The following UBE2G2 variants were observed in gnomAD, a reference collection of about 807,000 sequenced individuals.
The protein encoded by UBE2G2 is ubiquitin conjugating enzyme E2 G2.
In UBE2G2, 10 loss-of-function variants were observed where a neutral mutation model predicts 23.0. The observed-to-expected ratio is 0.43, with a 90% CI of 0.27 to 0.74. UBE2G2 has a LOEUF of 0.74. Ranked by LOEUF, UBE2G2 falls within the 30% of genes least tolerant of loss-of-function variation. The probability of loss-of-function intolerance (pLI) is 0.19; values close to 1 mark genes in which losing one functional copy is unlikely to be tolerated. For missense variants in UBE2G2, 150 were observed against 218.3 expected, an observed-to-expected ratio of 0.69 and a Z score of 1.97; for synonymous variants, 86 against 81.3, an observed-to-expected ratio of 1.06 and a Z score of -0.31.
At chr21:44,778,122 G>A (rs1312682317) in intron 3 of UBE2G2, among the ~76,000 whole-genome samples, 24 of 152,306 alleles carry the variant, frequency 1.6e-4, no homozygotes, top group Admixed American at 1.0e-3. Context: ...TATGAATTAC[G>A]GCACAGGGTA....
rs2082885440 is a variant in UBE2G2 at position 44,772,986 on chromosome 21, T to C, written c.385+561A>G. The stretch of plus-strand genomic sequence containing the variant: ...CCAAAATGAGCTGGCAGTGCCCCCA[T>C]CAAGTCAGCCACCTCCTGCCTCTGG... On this transcript the variant is annotated intron_variant, in intron 5 of 5. Transcript: ENST00000345496. The surrounding 1 kb of genome is among the most constrained non-coding windows in gnomAD (Gnocchi z 5.4). Among the ~76,000 whole-genome samples the C allele has an allele frequency of 6.6e-6, 1 of 152,128 alleles. No homozygotes were observed. Among genetic ancestry groups the C allele is most frequent in the South Asian group, 2.1e-4 (1 of 4,824 alleles).
At chr21:44,801,298 C>A (rs1417944565) in intron 1 of UBE2G2, 1 of 1,022,912 alleles carries the variant, frequency 9.8e-7, no homozygotes, top group Non-Finnish European at 1.2e-6. Context: ...CAAAGCTCCA[C>A]CAACGAGCCT....
At chr21:44,793,173 T>C (rs1259052977) in intron 1 of UBE2G2, among the ~76,000 whole-genome samples, 19 of 152,230 alleles carry the variant, frequency 1.2e-4, no homozygotes, top group African/African-American at 3.6e-4. Context: ...TTACGGCAGA[T>C]AGACTGTAAA....
rs1301512348 is a variant in UBE2G2 at position 44,769,580 on chromosome 21, C to T, written c.*1797G>A. 6.6e-6 allele frequency: 1 copy of T among 152,208 alleles called. No homozygotes were observed. The highest frequency in any genetic ancestry group is 2.4e-5 in the African/African-American group (1 of 41,412). The allele number at this position is 152,208 out of a possible 1,614,324, so 9.4% of individuals were successfully genotyped here. On this transcript the variant is annotated 3_prime_UTR_variant, in exon 6 of 6. Coordinates refer to ENST00000345496, the MANE Select transcript of UBE2G2 (RefSeq NM_003343.6). Reference sequence around the variant, plus strand: ...TATTTTTAGTGGAGACAGGGTTTCACTGTTAGCCAGGATGGTCGCGATCTC... The same window carrying T: ...TATTTTTAGTGGAGACAGGGTTTCATTGTTAGCCAGGATGGTCGCGATCTC...
intron 1 of UBE2G2, among the ~76,000 whole-genome samples, chr21:44,799,115 T>C (rs1266581752): frequency 2.6e-5 from 4 of 152,222 alleles, no homozygotes; most frequent in Non-Finnish European, 4.4e-5. Context: ...AGTGGGCTTA[T>C]ATTCAGTAAA....
At chr21:44,800,373 C>T (rs2083125471) in intron 1 of UBE2G2, 1 of 150,716 alleles carries the variant, frequency 6.6e-6, no homozygotes, top group Non-Finnish European at 1.5e-5. Flanking sequence ...ACCAGGAATA[C>T]AAAATATTTG....
chr21:44,793,479 G>A (rs2083061469), intron 1 of UBE2G2, among the ~76,000 whole-genome samples: 1 of 152,220 alleles, frequency 6.6e-6, no homozygotes, highest in Non-Finnish European at 1.5e-5. Flanking sequence ...CTTCCCGCCA[G>A]CTTTGTTATT....
Position 44,787,969 on chromosome 21 carries a change from T to A in UBE2G2, c.80-4A>T. 6.2e-7 allele frequency: 1 copy of A among 1,613,182 alleles called. No individual in the cohort carries two copies. Among genetic ancestry groups the A allele is most frequent in the Non-Finnish European group, 8.5e-7 (1 of 1,179,758 alleles). On this transcript the variant is annotated splice_polypyrimidine_tract_variant and splice_region_variant and intron_variant, in intron 2 of 5. Transcript: ENST00000345496. Reference sequence around the variant, plus strand: ...AAGTTCTCTTCATTCATGGGGCCTGTAGGGTGAGAAAAAATTTCACAACAT... The same window carrying A: ...AAGTTCTCTTCATTCATGGGGCCTGAAGGGTGAGAAAAAATTTCACAACAT...
chr21:44,771,363 T>C lies in UBE2G2; in HGVS notation c.*14A>G. The C allele has an allele frequency of 6.2e-7, 1 of 1,610,712 alleles. No individual in the cohort carries two copies. On this transcript the variant is annotated 3_prime_UTR_variant, in exon 6 of 6. Coordinates refer to ENST00000345496, the MANE Select transcript of UBE2G2 (RefSeq NM_003343.6). The surrounding 1 kb of genome is among the most constrained non-coding windows in gnomAD (Gnocchi z 4.6). The stretch of plus-strand genomic sequence containing the variant: ...CTGCTTGGCGGTGTGTGCGCGCCTG[T>C]GCGAGGCCAGGTCTCACAGTCCCAG...
chr21:44,801,548 C>T lies in UBE2G2; in HGVS notation c.43+158G>A, dbSNP rs2083138086. On this transcript the variant is annotated intron_variant, in intron 1 of 5. Coordinates refer to ENST00000345496, the MANE Select transcript of UBE2G2 (RefSeq NM_003343.6). Reference sequence around the variant, plus strand: ...TTCACGCGTGAGAGTGGGCAGCGGGCGCAGGGCGCGGCACTCCGCGGGACC... The same window carrying T: ...TTCACGCGTGAGAGTGGGCAGCGGGTGCAGGGCGCGGCACTCCGCGGGACC... 12 of 1,164,500 alleles carry T rather than the reference C, an allele frequency of 1.0e-5. No homozygotes were observed. In the South Asian group the frequency reaches 2.3e-4, roughly 23 times the overall value. 72.1% of individuals were successfully genotyped at this position (1,164,500 alleles called of 1,614,324 possible).
Position 44,772,881 on chromosome 21 carries a change from CA to C in UBE2G2, c.385+665del, listed in dbSNP as rs2082884362. Among the ~76,000 whole-genome samples the C allele has an allele frequency of 6.6e-6, 1 of 152,150 alleles. No homozygotes were observed. Among genetic ancestry groups the C allele is most frequent in the African/African-American group, 2.4e-5 (1 of 41,412 alleles). On this transcript the variant is annotated intron_variant, in intron 5 of 5. Coordinates refer to ENST00000345496, the MANE Select transcript of UBE2G2 (RefSeq NM_003343.6). This position sits in a 1 kb window ranked among gnomAD's most constrained non-coding sequence, Gnocchi z 5.4. ...TGCTGCAAGGATGGCCCTTCGAAGG[CA>C]CAGCTCACAGGACATCACACCCCCA... is the stretch of plus-strand genomic sequence containing the variant.
intron 1 of UBE2G2, among the ~76,000 whole-genome samples, chr21:44,798,500 T>C (rs1291607651): frequency 4.6e-5 from 7 of 152,242 alleles, no homozygotes; most frequent in African/African-American, 1.7e-4. Context: ...GCGGCTGCTT[T>C]ATCAACTAAA....
In UBE2G2 at chr21:44,771,479, G is replaced by A. The variant is rs1555959939; in HGVS notation, c.396C>T (p.Asp132=). The change falls in exon 6 of 6, where the codon GAC becomes GAT. Residue 132 remains aspartate, a synonymous_variant. Coordinates refer to ENST00000345496, the MANE Select transcript of UBE2G2 (RefSeq NM_003343.6). This position sits in a 1 kb window ranked among gnomAD's most constrained non-coding sequence, Gnocchi z 4.6. ...SVVSMLAEPN[D]ESGANVDASK... ...ACGCATCCACGTTAGCTCCACTTTCGTCATTGGGCTCTGAAAGAAAAGGGA... is the reference window on the plus strand; with the variant it reads ...ACGCATCCACGTTAGCTCCACTTTCATCATTGGGCTCTGAAAGAAAAGGGA... 7 of 1,611,562 alleles carry A rather than the reference G, an allele frequency of 4.3e-6. No homozygotes were observed. Among genetic ancestry groups the A allele is most frequent in the Admixed American group, 1.7e-5 (1 of 60,026 alleles).
intron 5 of UBE2G2, among the ~76,000 whole-genome samples, chr21:44,773,038 C>T (rs2082885940): frequency 6.6e-6 from 1 of 152,136 alleles, no homozygotes; most frequent in African/African-American, 2.4e-5. Context: ...CTTCCTTTGC[C>T]CCAAAACCCC....
chr21:44,781,431 C>G (rs1443830327), intron 3 of UBE2G2, among the ~76,000 whole-genome samples: 4 of 152,368 alleles, frequency 2.6e-5, no homozygotes, highest in African/African-American at 4.8e-5. Context: ...ATGCCCAGGA[C>G]AGCAGGACCA....
chr21:44,792,849 G>A (rs2083056274), intron 1 of UBE2G2, among the ~76,000 whole-genome samples: 1 of 152,238 alleles, frequency 6.6e-6, no homozygotes, highest in Admixed American at 6.5e-5. Context: ...AGCAGTGAGA[G>A]AAGGCAGAGT....
chr21:44,783,647 G>C (rs2082973456), intron 3 of UBE2G2, among the ~76,000 whole-genome samples: 2 of 152,172 alleles, frequency 1.3e-5, no homozygotes, highest in South Asian at 4.1e-4. Context: ...TCCACACATA[G>C]GAAAAGTCAG....
chr21:44,794,735 C>T, intron 1 of UBE2G2, among the ~76,000 whole-genome samples: 1 of 151,894 alleles, frequency 6.6e-6, no homozygotes, highest in Non-Finnish European at 1.5e-5. Context: ...GGGGTTTCAC[C>T]GTGTTAGCCC....
rs28728356 is a variant in UBE2G2 at position 44,801,579 on chromosome 21, G to A, written c.43+127C>T. 52 of 1,299,632 alleles carry A rather than the reference G, an allele frequency of 4.0e-5. No homozygotes were observed. The South Asian group carries it at 8.4e-4, about 21-fold the overall frequency. 80.5% of individuals were successfully genotyped at this position (1,299,632 alleles called of 1,614,324 possible). On this transcript the variant is annotated intron_variant, in intron 1 of 5. Coordinates refer to ENST00000345496, the MANE Select transcript of UBE2G2 (RefSeq NM_003343.6). ...GCGCGGCACTCCGCGGGACCCACAGGGGGGCTCACGGTGGAGGCCCCGGGC... is the reference window on the plus strand; with the variant it reads ...GCGCGGCACTCCGCGGGACCCACAGAGGGGCTCACGGTGGAGGCCCCGGGC...
Sources: gnomAD v4.1 joint callset for allele counts (sites outside exome capture counted in the v4.1 genomes callset) on GRCh38, gnomAD v4.1.1 for gene constraint, Gnocchi (gnomAD v3.1) non-coding constraint, MANE v1.5 for transcripts, NCBI Gene and HGNC (gene_info 2026-07-23, HGNC 2026-07-21) for gene names.